Variants in ANKDD1A observed in about 807,000 individuals in gnomAD.
ANKDD1A encodes ankyrin repeat and death domain containing 1A, also known as ankyrin repeat and death domain-containing protein 1A.
Under a neutral mutation model 63.5 loss-of-function variants are expected in ANKDD1A, and 59 were observed. The ratio of observed to expected loss-of-function variants is 0.93; its 90% CI spans 0.75 to 1.15. The LOEUF (loss-of-function observed/expected upper bound fraction) is 1.15. Ranked by LOEUF, ANKDD1A falls within the 50% of genes most tolerant of loss-of-function variation. The pLI is 0.00. For synonymous variants in ANKDD1A, 266 were observed against 263.9 expected, an observed-to-expected ratio of 1.01 and a Z score of -0.08; for missense variants, 632 against 656.4, an observed-to-expected ratio of 0.96 and a Z score of 0.41.
At chr15:64,917,290 A>G in intron 2 of ANKDD1A, 96 bp from the exon 3 acceptor site, 4 of 1,434,516 alleles carry the variant, frequency 2.8e-6, no homozygotes, top group Middle Eastern at 2.6e-4. Flanking sequence ...AGACCCTTCC[A>G]GCCTGCAGAC....
rs900119947 is a variant in ANKDD1A, at chr15:64,957,762, T to C, written c.*574T>C. On this transcript the variant is annotated 3_prime_UTR_variant, in exon 15 of 15. Transcript: ENST00000319580. ...ATGTATTGTGTAACTTTTGGGAAAGTAAGGTGGCTTCCCTGCTCTCAGTGA... is the reference window on the plus strand; with the variant it reads ...ATGTATTGTGTAACTTTTGGGAAAGCAAGGTGGCTTCCCTGCTCTCAGTGA... 2 of 152,162 alleles carry C rather than the reference T, an allele frequency of 1.3e-5. No individual in the cohort carries two copies. The highest frequency in any genetic ancestry group is 2.9e-5 in the Non-Finnish European group (2 of 68,030). 9.4% of individuals were successfully genotyped at this position (152,162 alleles called of 1,614,324 possible).
intron 1 of ANKDD1A, among the ~76,000 whole-genome samples, 165 bp downstream of exon 1, chr15:64,912,129 G>T (rs1174367283): frequency 1.3e-5 from 2 of 152,162 alleles, no homozygotes; most frequent in Non-Finnish European, 2.9e-5. Context: ...GCACTGGGCC[G>T]AGGGGACCTT....
rs770463868 is a variant in ANKDD1A, at chr15:64,930,825, G to A, written c.574G>A (p.Gly192Arg). 2 of 1,612,338 alleles carry A rather than the reference G, an allele frequency of 1.2e-6. No individual in the cohort carries two copies. The highest frequency in any genetic ancestry group is 1.7e-4 in the Middle Eastern group (1 of 6,056). The change falls in exon 7 of 15, where the codon GGG (glycine) becomes AGG (arginine). Residue 192 changes from glycine (G) to arginine (R), a missense_variant. By Grantham distance (125) the Gly-to-Arg change is moderately radical. Transcript: ENST00000319580. ...GCDHNVKDKEGNTALHLAAGR... is the reference protein window; with the variant it reads ...GCDHNVKDKERNTALHLAAGR... The stretch of plus-strand genomic sequence containing the variant: ...TCAGGAGCCCTTTTTCCTGCAGGAG[G>A]GGAACACTGCCCTTCATCTGGCTGC...
chr15:64,916,720 G>A (rs141138045), intron 2 of ANKDD1A, among the ~76,000 whole-genome samples: 1 of 152,350 alleles, frequency 6.6e-6, no homozygotes, highest in East Asian at 1.9e-4. Flanking sequence ...GGAGCAGCTG[G>A]GCTCCAGAGA....
chr15:64,954,934 C>CTTT (rs1183370517), intron 14 of ANKDD1A, among the ~76,000 whole-genome samples: 1 of 147,540 alleles, frequency 6.8e-6, no homozygotes, highest in Non-Finnish European at 1.5e-5. Context: ...TCTTCTCCTT[C>CTTT]TTCTTGTCTC....
At chr15:64,952,976 TTG>T (rs373387912) in intron 14 of ANKDD1A, among the ~76,000 whole-genome samples, 151 of 19,006 alleles carry the variant, frequency 7.9e-3, no homozygotes, top group Non-Finnish European at 0.026. Context: ...TCTTTTCTTC[TTG>T]TCTCTCCTTC....
chr15:64,917,416 G>A lies in ANKDD1A; in HGVS notation c.169G>A (p.Gly57Ser). Residue 57 changes from glycine (G) to serine (S), a missense_variant, in exon 3 of 15, where the codon GGT becomes AGT. Gly to Ser is a moderately conservative substitution (Grantham distance 56). Coordinates refer to ENST00000319580, the MANE Select transcript of ANKDD1A (RefSeq NM_182703.6). The part of the protein sequence containing the change: ...VGRVALHWAA[G>S]AGHEQAVRLL... ...CAGGGTGGCCCTGCACTGGGCTGCAGGTGCAGGGCACGAGCAGGCTGTGCG... is the reference window on the plus strand; with the variant it reads ...CAGGGTGGCCCTGCACTGGGCTGCAAGTGCAGGGCACGAGCAGGCTGTGCG... The A allele has an allele frequency of 6.2e-7, 1 of 1,611,376 alleles. No homozygotes were observed. Among genetic ancestry groups the A allele is most frequent in the Non-Finnish European group, 8.5e-7 (1 of 1,179,418 alleles).
Position 64,945,607 on chromosome 15 carries a change from C to CATATAT in ANKDD1A, c.1161+879_1161+884dup, listed in dbSNP as rs61390435. Among the ~76,000 whole-genome samples, 404 of 73,860 alleles carry CATATAT rather than the reference C, an allele frequency of 5.5e-3. 36 individuals are homozygous for CATATAT. Among genetic ancestry groups the CATATAT allele is most frequent in the African/African-American group, 0.015 (250 of 16,202 alleles). The allele number at this position is 73,860 out of a possible 152,430, so 48.5% of individuals were successfully genotyped here. ...TTAGAGGGATTAAATGCATTTTCAA[C>CATATAT]ATATATATATATATATATATATATG... On this transcript the variant is annotated intron_variant, in intron 12 of 14. Transcript: ENST00000319580.
intron 10 of ANKDD1A, 178 bp from the exon 11 acceptor site, chr15:64,943,305 TA>T (rs1461675408): frequency 4.9e-6 from 3 of 606,582 alleles, no homozygotes; most frequent in Non-Finnish European, 8.7e-6. Flanking sequence ...GTAAAAAAAT[TA>T]AGATGTAAAA....
At chr15:64,953,948 T>C (rs2085366858) in intron 14 of ANKDD1A, among the ~76,000 whole-genome samples, 6 of 72,852 alleles carry the variant, frequency 8.2e-5, no homozygotes, top group African/African-American at 1.3e-4. Context: ...CTTCCTCTTC[T>C]TCTATTGTTT....
chr15:64,940,394 TGATAGATA>T (rs1555442476), intron 9 of ANKDD1A, among the ~76,000 whole-genome samples: 2 of 92,946 alleles, frequency 2.2e-5, no homozygotes, highest in African/African-American at 7.2e-5. Context: ...ATAGGATGAT[TGATAGATA>T]GATAGATAGA....
Position 64,957,512 on chromosome 15 carries a change from A to AGAGT in ANKDD1A, c.*325_*328dup, listed in dbSNP as rs1257358637. On this transcript the variant is annotated 3_prime_UTR_variant, in exon 15 of 15. Coordinates refer to ENST00000319580, the MANE Select transcript of ANKDD1A (RefSeq NM_182703.6). ...TTCATGGATGCACAAATGTTTATTG[A>AGAGT]GAGTCTCATATTCATGCTTTTCTTC... 1 of 156,670 alleles carries AGAGT rather than the reference A, an allele frequency of 6.4e-6. No homozygotes were observed. Among genetic ancestry groups the AGAGT allele is most frequent in the Non-Finnish European group, 1.4e-5 (1 of 70,728 alleles). 9.7% of individuals were successfully genotyped at this position (156,670 alleles called of 1,614,324 possible).
At chr15:64,942,690 T>A (rs558962608) in intron 10 of ANKDD1A, 125 bp downstream of exon 10, 3 of 602,420 alleles carry the variant, frequency 5.0e-6, no homozygotes, top group East Asian at 3.5e-5. Flanking sequence ...TTTTTTTTTT[T>A]AGCTTTTAGA....
chr15:64,911,951 G>T lies in ANKDD1A; in HGVS notation c.21G>T (p.Trp7Cys). MQEELA[W>C]ETDGLLPLER... ...GCAGGATGCAGGAGGAGCTGGCGTGGGAGACCGACGGCCGTGAGTCTGCCT... is the reference window on the plus strand; with the variant it reads ...GCAGGATGCAGGAGGAGCTGGCGTGTGAGACCGACGGCCGTGAGTCTGCCT... The change falls in exon 1 of 15, where the codon TGG (tryptophan) becomes TGT (cysteine). Residue 7 changes from tryptophan (W) to cysteine (C), a missense_variant. Coordinates refer to ENST00000319580, the MANE Select transcript of ANKDD1A (RefSeq NM_182703.6). 1 of 1,231,392 alleles carries T rather than the reference G, an allele frequency of 8.1e-7. No individual in the cohort carries two copies. 76.3% of individuals were successfully genotyped at this position (1,231,392 alleles called of 1,614,324 possible).
Position 64,930,808 on chromosome 15 carries a change from C to A in ANKDD1A, c.571-14C>A. 1.9e-6 allele frequency: 3 copies of A among 1,609,904 alleles called. No homozygotes were observed. The highest frequency in any genetic ancestry group is 2.5e-6 in the Non-Finnish European group (3 of 1,179,016). ...TCTGGTCTGCTGGCCTCTCAGGAGC[C>A]CTTTTTCCTGCAGGAGGGGAACACT... On this transcript the variant is annotated splice_polypyrimidine_tract_variant and intron_variant, in intron 6 of 14. Coordinates refer to ENST00000319580, the MANE Select transcript of ANKDD1A (RefSeq NM_182703.6).
At chr15:64,928,326 CAAA>C (rs2140370431) in intron 6 of ANKDD1A, among the ~76,000 whole-genome samples, 1 of 152,356 alleles carries the variant, frequency 6.6e-6, no homozygotes, top group South Asian at 2.1e-4. Context: ...ACTAGGCATG[CAAA>C]GAGCGGGGAG....
intron 9 of ANKDD1A, among the ~76,000 whole-genome samples, chr15:64,937,816 T>C (rs1205375918): frequency 6.6e-6 from 1 of 152,142 alleles, no homozygotes; most frequent in Non-Finnish European, 1.5e-5. Context: ...AAGATACAGT[T>C]ATGTGAACAA....
intron 10 of ANKDD1A, 108 bp from the exon 11 acceptor site, chr15:64,943,376 A>C (rs981037026): frequency 1.2e-5 from 11 of 880,726 alleles, no homozygotes; most frequent in Non-Finnish European, 2.0e-5. Flanking sequence ...TTCTGCATTA[A>C]AGAAAAGACT....
At chr15:64,954,073 CTCT>C (rs1361459674) in intron 14 of ANKDD1A, among the ~76,000 whole-genome samples, 1 of 86,022 alleles carries the variant, frequency 1.2e-5, no homozygotes, top group African/African-American at 4.6e-5. Context: ...TTTCTTCTTC[CTCT>C]TTTCTTCTTC....
Sources: allele counts gnomAD v4.1 joint callset (sites outside exome capture counted in the v4.1 genomes callset), GRCh38; gene constraint gnomAD v4.1.1; transcripts MANE v1.5; gene names NCBI Gene and HGNC (gene_info 2026-07-23, HGNC 2026-07-21).